PLCB1: variants seen among roughly 807,000 people sequenced by gnomAD.
PLCB1 encodes phospholipase C beta 1.
In PLCB1, 46 loss-of-function variants were observed where a neutral mutation model predicts 161.8. The observed-to-expected ratio is 0.28, with a 90% confidence interval of 0.22 to 0.36. The LOEUF is 0.36. PLCB1 is among the 10% of genes least tolerant of loss of function. PLCB1 has a pLI of 1.00. For synonymous variants in PLCB1, 517 were observed against 503.7 expected, an observed-to-expected ratio of 1.03 and a Z score of -0.35; for missense variants, 1,016 against 1,472.5, an observed-to-expected ratio of 0.69 and a Z score of 5.07.
intron 9 of PLCB1, among the ~76,000 whole-genome samples, chr20:8,659,750 G>GAAA (rs1251964891): frequency 6.6e-6 from 1 of 152,102 alleles, no homozygotes; most frequent in Admixed American, 6.5e-5. Flanking sequence ...CCAACACTTT[G>GAAA]GGAGGCCAAG....
chr20:8,805,468 AC>A, intron 31 of PLCB1, among the ~76,000 whole-genome samples: 1 of 152,350 alleles, frequency 6.6e-6, no homozygotes, highest in East Asian at 1.9e-4. Flanking sequence ...AATAGAAAAC[AC>A]AAAAGAACAG....
chr20:8,848,492 G>A (rs1359107025), intron 31 of PLCB1, among the ~76,000 whole-genome samples: 1 of 134,384 alleles, frequency 7.4e-6, no homozygotes, highest in Non-Finnish European at 1.7e-5. Context: ...TGATTGAAAG[G>A]GGTTTACACA....
At chr20:8,785,977 C>G (rs369535817) in intron 27 of PLCB1, among the ~76,000 whole-genome samples, 3 of 152,086 alleles carry the variant, frequency 2.0e-5, no homozygotes, top group East Asian at 1.9e-4. Context: ...CCTCCCACTT[C>G]AAGTCTGGCA....
chr20:8,629,812 CTTTCT>C (rs1333397561), intron 4 of PLCB1, among the ~76,000 whole-genome samples: 9 of 78,616 alleles, frequency 1.1e-4, no homozygotes, highest in Admixed American at 3.8e-4. Context: ...TCTTTCTTTT[CTTTCT>C]TTTCTTTCTT....
chr20:8,734,733 A>G (rs1330535671), intron 19 of PLCB1, among the ~76,000 whole-genome samples: 1 of 152,142 alleles, frequency 6.6e-6, no homozygotes, highest in African/African-American at 2.4e-5. Context: ...TGGATTCTTC[A>G]TCGTTAAAGC....
chr20:8,155,433 C>T (rs1381758689), intron 2 of PLCB1, among the ~76,000 whole-genome samples: 2 of 152,134 alleles, frequency 1.3e-5, no homozygotes, highest in African/African-American at 2.4e-5. Flanking sequence ...AGATAGTCTT[C>T]TCTTATGATA....
At chr20:8,878,699 C>G (rs925422149) in intron 31 of PLCB1, among the ~76,000 whole-genome samples, 7 of 151,786 alleles carry the variant, frequency 4.6e-5, no homozygotes, top group Non-Finnish European at 1.0e-4. Flanking sequence ...TTACCAGATA[C>G]CATTTTTATT....
intron 2 of PLCB1, among the ~76,000 whole-genome samples, chr20:8,319,715 T>C (rs1256022920): frequency 1.8e-5 from 1 of 55,782 alleles, no homozygotes; most frequent in Non-Finnish European, 3.4e-5. Flanking sequence ...CTTTTCTTTT[T>C]CTTATTGTGA....
chr20:8,289,830 C>T (rs1983302988), intron 2 of PLCB1, among the ~76,000 whole-genome samples: 1 of 152,182 alleles, frequency 6.6e-6, no homozygotes, highest in Non-Finnish European at 1.5e-5. Flanking sequence ...GACTCCAAAC[C>T]ATTAGGCTGC....
chr20:8,798,675 T>C (rs576146312), intron 31 of PLCB1, among the ~76,000 whole-genome samples: 3 of 152,208 alleles, frequency 2.0e-5, no homozygotes, highest in Non-Finnish European at 4.4e-5. Flanking sequence ...CTGCTTCCCA[T>C]CAACCAGACA....
At chr20:8,719,596 A>G (rs62195834) in intron 14 of PLCB1, among the ~76,000 whole-genome samples, 15,830 of 152,194 alleles carry the variant, frequency 0.1, 1,104 homozygotes, top group East Asian at 0.33. Flanking sequence ...ACACAAAAAC[A>G]GGCAAAACTA....
intron 3 of PLCB1, among the ~76,000 whole-genome samples, chr20:8,418,542 T>C (rs1027014434): frequency 1.3e-5 from 2 of 151,808 alleles, no homozygotes; most frequent in Non-Finnish European, 2.9e-5. Flanking sequence ...GAGTACCTTC[T>C]AAAAGCTTTC....
At chr20:8,260,063 T>C (rs190144819) in intron 2 of PLCB1, among the ~76,000 whole-genome samples, 23 of 152,072 alleles carry the variant, frequency 1.5e-4, no homozygotes, top group African/African-American at 2.9e-4. Flanking sequence ...GACTACTACA[T>C]TCTTTTTCTT....
At chr20:8,602,922 C>T (rs148256920) in intron 3 of PLCB1, among the ~76,000 whole-genome samples, 1 of 152,162 alleles carries the variant, frequency 6.6e-6, no homozygotes, top group African/African-American at 2.4e-5. Flanking sequence ...AGTTGAAGCT[C>T]CTCTGGTAGA....
intron 7 of PLCB1, among the ~76,000 whole-genome samples, chr20:8,655,004 A>G (rs138790554): frequency 1.9e-3 from 295 of 152,118 alleles, no homozygotes; most frequent in Middle Eastern, 0.01. Context: ...TCATCAGTCA[A>G]GTTGGGCAAG....
intron 3 of PLCB1, among the ~76,000 whole-genome samples, chr20:8,435,282 G>T (rs566863276): frequency 6.6e-6 from 1 of 152,158 alleles, no homozygotes; most frequent in African/African-American, 2.4e-5. Flanking sequence ...AATCCCATCC[G>T]TTGGTGTCCA....
intron 2 of PLCB1, among the ~76,000 whole-genome samples, chr20:8,193,166 T>C (rs2051987535): frequency 1.3e-5 from 2 of 151,974 alleles, no homozygotes; most frequent in Non-Finnish European, 2.9e-5. Context: ...CATTCACATA[T>C]TGCTGGTGGG....
chr20:8,610,466 G>A (rs1987874825), intron 3 of PLCB1, among the ~76,000 whole-genome samples: 1 of 152,076 alleles, frequency 6.6e-6, no homozygotes, highest in African/African-American at 2.4e-5. Flanking sequence ...GCTTTTGTGT[G>A]GACATGTTTT....
At chr20:8,548,752 A>G (rs1044043451) in intron 3 of PLCB1, among the ~76,000 whole-genome samples, 6 of 117,712 alleles carry the variant, frequency 5.1e-5, no homozygotes, top group African/African-American at 9.8e-5. Context: ...TGTATTTGGT[A>G]TTACTTAATT....
Sources: gnomAD v4.1 joint callset for allele counts (sites outside exome capture counted in the v4.1 genomes callset) on GRCh38, gnomAD v4.1.1 for gene constraint, MANE v1.5 for transcripts, NCBI Gene and HGNC (gene_info 2026-07-23, HGNC 2026-07-21) for gene names.